The following MINPP1 variants were observed in gnomAD, a reference collection of about 807,000 sequenced individuals.
MINPP1 encodes multiple inositol-polyphosphate phosphatase 1, also known as multiple inositol polyphosphate phosphatase 1.
In MINPP1, 28 loss-of-function variants were observed where a neutral mutation model predicts 46.1. The ratio of observed to expected loss-of-function variants is 0.61; its 90% CI spans 0.45 to 0.83. MINPP1 has a LOEUF of 0.83. MINPP1 is among the 40% of genes least tolerant of loss of function. The probability of loss-of-function intolerance (pLI) is 0.00; values close to 1 mark genes in which losing one functional copy is unlikely to be tolerated. For missense variants in MINPP1, 603 were observed against 610.0 expected (o/e 0.99, Z 0.12); for synonymous variants, 268 against 249.1 (o/e 1.08, Z -0.72).
intron 3 of MINPP1, among the ~76,000 whole-genome samples, chr10:87,520,758 AGCTGTCCTGACCTTGGATGATTGG>A: frequency 2.0e-5 from 3 of 152,102 alleles, no homozygotes; most frequent in African/African-American, 7.2e-5. Context: ...CACTCTCTTG[AGCTGTCCTGACCTTGGATGATTGG>A]CTGTGAGCAC....
chr10:87,542,183 C>T (rs1851824603), intron 4 of MINPP1, among the ~76,000 whole-genome samples: 1 of 152,168 alleles, frequency 6.6e-6, no homozygotes, highest in African/African-American at 2.4e-5. Context: ...AGTGGTAGTA[C>T]AGACATTTGG....
At chr10:87,538,127 C>G (rs541894729) in intron 4 of MINPP1, among the ~76,000 whole-genome samples, 4 of 144,962 alleles carry the variant, frequency 2.8e-5, no homozygotes, top group African/African-American at 1.0e-4. Flanking sequence ...TTTTTTTTAC[C>G]TATTCCTTTT....
At chr10:87,521,569 C>T (rs1319135283) in intron 4 of MINPP1, among the ~76,000 whole-genome samples, 2 of 152,090 alleles carry the variant, frequency 1.3e-5, no homozygotes, top group African/African-American at 4.8e-5. Context: ...AATCATACTG[C>T]TTATTGTCTT....
chr10:87,541,901 GCCCTACCT>G (rs1020763993), intron 4 of MINPP1, among the ~76,000 whole-genome samples: 1 of 152,134 alleles, frequency 6.6e-6, no homozygotes, highest in Non-Finnish European at 1.5e-5. Flanking sequence ...TTCCCACCAG[GCCCTACCT>G]CCAATGTTGG....
Position 87,508,432 on chromosome 10 carries a change from C to T in MINPP1, c.734C>T (p.Ala245Val). 1 of 1,613,714 alleles carries T rather than the reference C, an allele frequency of 6.2e-7. No homozygotes were observed. Among genetic ancestry groups the T allele is most frequent in the Non-Finnish European group, 8.5e-7 (1 of 1,179,798 alleles). ...FLTEVEKNAT[A>V]LYHVEAFKTG... is the part of the protein sequence containing the mutation. The stretch of plus-strand genomic sequence containing the variant: ...ACTGAAGTAGAAAAAAATGCTACAG[C>T]TCTTTATCACGTGGAAGCCTTCAAA... Residue 245 changes from alanine to valine, a missense_variant, in exon 2 of 5, where the codon GCT becomes GTT. By Grantham distance (64) the Ala-to-Val change is moderately conservative. Transcript: ENST00000371996.
At chr10:87,520,423 T>G (rs1444887145) in intron 3 of MINPP1, among the ~76,000 whole-genome samples, 1 of 152,170 alleles carries the variant, frequency 6.6e-6, no homozygotes, top group Non-Finnish European at 1.5e-5. Flanking sequence ...CAATTTGCCC[T>G]CTAGAATGTC....
At chr10:87,519,867 T>C (rs572020641) in intron 3 of MINPP1, among the ~76,000 whole-genome samples, 4 of 152,294 alleles carry the variant, frequency 2.6e-5, no homozygotes, top group Admixed American at 2.6e-4. Flanking sequence ...AGTTCTCCAC[T>C]TCTACATGAG....
chr10:87,514,846 G>A (rs1851390229), intron 3 of MINPP1, among the ~76,000 whole-genome samples: 1 of 151,996 alleles, frequency 6.6e-6, no homozygotes, highest in African/African-American at 2.4e-5. Context: ...CTCTCCAGTA[G>A]CTGGGATTAC....
intron 2 of MINPP1, among the ~76,000 whole-genome samples, chr10:87,512,459 C>G (rs976314237): frequency 6.6e-6 from 1 of 152,086 alleles, no homozygotes; most frequent in African/African-American, 2.4e-5. Flanking sequence ...ACTTCCTTCC[C>G]TCTCCATCTC....
intron 2 of MINPP1, among the ~76,000 whole-genome samples, chr10:87,510,869 T>C (rs1851324856): frequency 6.6e-6 from 1 of 152,254 alleles, no homozygotes; most frequent in Non-Finnish European, 1.5e-5. Flanking sequence ...ACATATATTT[T>C]TAAATTGTTC....
At chr10:87,526,168 A>G (rs909827113) in intron 4 of MINPP1, among the ~76,000 whole-genome samples, 40 of 152,324 alleles carry the variant, frequency 2.6e-4, no homozygotes, top group African/African-American at 8.9e-4. Context: ...TTACAGTCCA[A>G]CCAACAGTGT....
intron 4 of MINPP1, among the ~76,000 whole-genome samples, chr10:87,548,922 CTA>C (rs1392124333): frequency 2.6e-5 from 4 of 152,066 alleles, no homozygotes; most frequent in Non-Finnish European, 5.9e-5. Context: ...CTTTTCCTTC[CTA>C]TTGAAAATTG....
intron 3 of MINPP1, among the ~76,000 whole-genome samples, chr10:87,518,411 T>C (rs1851445610): frequency 6.6e-6 from 1 of 152,170 alleles, no homozygotes; most frequent in Admixed American, 6.5e-5. Flanking sequence ...TCTTAGTGTT[T>C]ACGTCTCTTT....
chr10:87,545,918 C>A (rs1851880319), intron 4 of MINPP1, among the ~76,000 whole-genome samples: 1 of 152,184 alleles, frequency 6.6e-6, no homozygotes, highest in African/African-American at 2.4e-5. Context: ...TGTCTTTGTT[C>A]ATCTGCTTAG....
intron 4 of MINPP1, among the ~76,000 whole-genome samples, chr10:87,524,924 TAAAA>T (rs577141577): frequency 9.3e-4 from 141 of 152,170 alleles, no homozygotes; most frequent in Middle Eastern, 6.8e-3. Context: ...TAGTAATAAT[TAAAA>T]AAACTTTGAA....
At chr10:87,511,620 A>G (rs1371239662) in intron 2 of MINPP1, among the ~76,000 whole-genome samples, 1 of 152,192 alleles carries the variant, frequency 6.6e-6, no homozygotes, top group Non-Finnish European at 1.5e-5. Context: ...ATTGACACTA[A>G]AGAGAGCTTA....
At chr10:87,511,333 A>G (rs1851331407) in intron 2 of MINPP1, among the ~76,000 whole-genome samples, 1 of 152,030 alleles carries the variant, frequency 6.6e-6, no homozygotes, top group South Asian at 2.1e-4. Flanking sequence ...TCTCTTCATT[A>G]TGGCTTCTGA....
At chr10:87,540,677 G>T (rs962834558) in intron 4 of MINPP1, among the ~76,000 whole-genome samples, 1 of 152,208 alleles carries the variant, frequency 6.6e-6, no homozygotes. Flanking sequence ...TGATTTTGGT[G>T]TATTCAAAGA....
At chr10:87,545,828 G>T (rs1293987904) in intron 4 of MINPP1, among the ~76,000 whole-genome samples, 1 of 152,184 alleles carries the variant, frequency 6.6e-6, no homozygotes, top group Non-Finnish European at 1.5e-5. Flanking sequence ...CCAGATACTG[G>T]TTTTATGACT....
Sources: gnomAD v4.1 joint callset for allele counts (sites outside exome capture counted in the v4.1 genomes callset) on GRCh38, gnomAD v4.1.1 for gene constraint, MANE v1.5 for transcripts, NCBI Gene and HGNC (gene_info 2026-07-23, HGNC 2026-07-21) for gene names.